The following SERPINB4 variants were observed in gnomAD, a reference collection of about 807,000 sequenced individuals.
The protein encoded by SERPINB4 is serpin B4.
A neutral mutation model predicts 33.2 loss-of-function variants in SERPINB4; 39 were observed. The observed-to-expected ratio is 1.18, with a 90% CI of 0.91 to 1.53. SERPINB4 has a LOEUF of 1.53. Among genes scored for constraint, SERPINB4 ranks in the 40% most tolerant of loss-of-function variants. The pLI, the probability that SERPINB4 is intolerant of heterozygous loss-of-function variation, is 0.00. For missense variants in SERPINB4, 564 were observed against 455.4 expected (o/e 1.24, Z -2.17); for synonymous variants, 191 against 166.4 (o/e 1.15, Z -1.14).
chr18:63,643,921 T>C (rs889011940), intron 1 of SERPINB4, among the ~76,000 whole-genome samples: 1 of 152,024 alleles, frequency 6.6e-6, no homozygotes, highest in African/African-American at 2.4e-5. Flanking sequence ...GAGACCTCTG[T>C]GGATCACATC....
Position 63,643,396 on chromosome 18 carries a change from A to G in SERPINB4, c.165+17T>C, listed in dbSNP as rs1230474320. The G allele has an allele frequency of 6.2e-7, 1 of 1,613,540 alleles. No homozygotes were observed. The highest frequency in any genetic ancestry group is 2.2e-5 in the East Asian group (1 of 44,872). On this transcript the variant is annotated intron_variant, in intron 2 of 7. Coordinates refer to ENST00000341074, the MANE Select transcript of SERPINB4 (RefSeq NM_002974.4). ...AGAAAAACTGCAACAGGACAACGTA[A>G]TGATGCTGATAGCTACCTTGCTAAT...
At position 63,639,307 on chromosome 18, in the gene SERPINB4, A is replaced by G. The variant is rs1568162989; in HGVS notation, c.646T>C (p.Tyr216His). 1 of 1,612,414 alleles carries G rather than the reference A, an allele frequency of 6.2e-7. No homozygotes were observed. Among genetic ancestry groups the G allele is most frequent in the East Asian group, 2.2e-5 (1 of 44,838 alleles). ...AGCAAGGCAAAATTAAAGGAATTGTATTGCCTCATCATCTGTACAGATTTG... is the reference window on the plus strand; with the variant it reads ...AGCAAGGCAAAATTAAAGGAATTGTGTTGCCTCATCATCTGTACAGATTTG... ...TYKSVQMMRQ[Y>H]NSFNFALLED... The change falls in exon 7 of 8, where the codon TAC (tyrosine) becomes CAC (histidine). Residue 216 changes from tyrosine (Y) to histidine (H), a missense_variant. Tyr to His is a moderately conservative substitution (Grantham distance 83). Coordinates refer to ENST00000341074, the MANE Select transcript of SERPINB4 (RefSeq NM_002974.4).
intron 3 of SERPINB4, 86 bp downstream of exon 3, chr18:63,643,075 C>T: frequency 6.4e-7 from 1 of 1,559,962 alleles, no homozygotes; most frequent in Non-Finnish European, 8.8e-7. Context: ...CTAAAACTGG[C>T]CTTTTCTTAG....
chr18:63,638,042 A>G lies in SERPINB4; in HGVS notation c.850T>C (p.Leu284=). ...CTCTCTTCCATTTTGAACCGAGGTA[A>G]GTGTAAATCGACACATGTCTCTCTC... The part of the protein sequence containing the change: ...NMRETCVDLH[L]PRFKMEESYD... Residue 284 remains leucine, a synonymous_variant, in exon 8 of 8, where the codon TTA becomes CTA. Coordinates refer to ENST00000341074, the MANE Select transcript of SERPINB4 (RefSeq NM_002974.4). The G allele has an allele frequency of 3.1e-6, 5 of 1,613,590 alleles. No homozygotes were observed. Among genetic ancestry groups the G allele is most frequent in the Non-Finnish European group, 4.2e-6 (5 of 1,179,738 alleles).
chr18:63,639,621 A>G lies in SERPINB4; in HGVS notation c.612+13T>C. On this transcript the variant is annotated intron_variant, in intron 6 of 7. Transcript: ENST00000341074. ...TAACATATTACACTATATAAATAAA[A>G]TATAGACAATACCTTGTTTGGCCAA... 1 of 1,492,632 alleles carries G rather than the reference A, an allele frequency of 6.7e-7. No individual in the cohort carries two copies. The highest frequency in any genetic ancestry group is 1.1e-5 in the South Asian group (1 of 87,540). The allele number at this position is 1,492,632 out of a possible 1,614,324, so 92.5% of individuals were successfully genotyped here. A position where few individuals can be genotyped will look rare whatever the true frequency, so the allele number is the denominator to read the frequency against.
intron 3 of SERPINB4, 198 bp downstream of exon 3, chr18:63,642,963 T>C (rs1913185467): frequency 1.5e-6 from 1 of 645,820 alleles, no homozygotes; most frequent in Non-Finnish European, 2.7e-6. Context: ...TGAGGTACAG[T>C]GCTGACTGTC....
intron 4 of SERPINB4, among the ~76,000 whole-genome samples, chr18:63,641,436 C>T (rs1913127065): frequency 6.6e-6 from 1 of 152,120 alleles, no homozygotes; most frequent in African/African-American, 2.4e-5. Context: ...ATTAGTCATA[C>T]ATTTCCCACC....
intron 5 of SERPINB4, 21 bp from the exon 6 acceptor site, chr18:63,639,797 G>T (rs1308051711): frequency 6.2e-7 from 1 of 1,600,714 alleles, no homozygotes; most frequent in Non-Finnish European, 8.5e-7. Context: ...AAGAATAAAA[G>T]AGTCTTTTAC....
intron 4 of SERPINB4, among the ~76,000 whole-genome samples, chr18:63,641,296 C>T (rs1371329021): frequency 2.0e-5 from 3 of 152,084 alleles, no homozygotes; most frequent in South Asian, 2.1e-4. Context: ...TCAGACTTCT[C>T]TCCAGTAATT....
In SERPINB4 at chr18:63,637,483, A is replaced by G. The variant is rs754839899; in HGVS notation, c.*236T>C. 5 of 434,118 alleles carry G rather than the reference A, an allele frequency of 1.2e-5. No individual in the cohort carries two copies. Among genetic ancestry groups the G allele is most frequent in the Non-Finnish European group, 2.0e-5 (5 of 247,500 alleles). 26.9% of individuals were successfully genotyped at this position (434,118 alleles called of 1,614,324 possible). On this transcript the variant is annotated 3_prime_UTR_variant, in exon 8 of 8. Coordinates refer to ENST00000341074, the MANE Select transcript of SERPINB4 (RefSeq NM_002974.4). ...TATTAAATGATTCATCTTATCTTGG[A>G]CATTTTTCCTCAAGGGAAATTTTTC...
rs1172681454 is a variant in SERPINB4, at chr18:63,642,856, C to G, written c.222+305G>C. The G allele has an allele frequency of 1.6e-5, 5 of 311,666 alleles. No homozygotes were observed. In the South Asian group the frequency reaches 2.7e-4, roughly 17 times the overall value. The allele number at this position is 311,666 out of a possible 1,614,324, so 19.3% of individuals were successfully genotyped here. On this transcript the variant is annotated intron_variant, in intron 3 of 7. Coordinates refer to ENST00000341074, the MANE Select transcript of SERPINB4 (RefSeq NM_002974.4). Reference sequence around the variant, plus strand: ...CCCTTAGTTTTCTGGGATGAGGTCACTGGGACTCCGAGCAGTTGTGTCCTG... The same window carrying G: ...CCCTTAGTTTTCTGGGATGAGGTCAGTGGGACTCCGAGCAGTTGTGTCCTG...
Position 63,641,983 on chromosome 18 carries a change from A to T in SERPINB4, c.223-95T>A, listed in dbSNP as rs552122990. 940 of 1,549,482 alleles carry T rather than the reference A, an allele frequency of 6.1e-4. 2 individuals are homozygous for T. The highest frequency in any genetic ancestry group is 1.8e-3 in the South Asian group (150 of 85,290). On this transcript the variant is annotated intron_variant, in intron 3 of 7. Coordinates refer to ENST00000341074, the MANE Select transcript of SERPINB4 (RefSeq NM_002974.4). ...GTTAGATCAGTCCCTAAATGCTGGT[A>T]GTCTCATTGAGGACCTTTGATGTTA... is the stretch of plus-strand genomic sequence containing the variant.
Position 63,637,788 on chromosome 18 carries a change from AG to A in SERPINB4, c.1103del (p.Pro368LeufsTer6). ...TATTTTGCCTTATGAAGAATAGGAA[AG>A]GGTGATTACAACAGAACTCTTCATT... ...STNEEFCCNH[P>X]FLFFIRQNKT... is the part of the protein sequence containing the mutation. On this transcript the variant is annotated frameshift_variant, in exon 8 of 8. Coordinates refer to ENST00000341074, the MANE Select transcript of SERPINB4 (RefSeq NM_002974.4). LOFTEE classifies it high-confidence loss of function. The A allele has an allele frequency of 6.2e-7, 1 of 1,613,490 alleles. No homozygotes were observed. The highest frequency in any genetic ancestry group is 8.5e-7 in the Non-Finnish European group (1 of 1,179,634).
chr18:63,638,151 A>G, intron 7 of SERPINB4, 28 bp from the exon 8 acceptor site: 1 of 1,601,582 alleles, frequency 6.2e-7, no homozygotes, highest in Non-Finnish European at 8.5e-7. Context: ...AGAAACTGAT[A>G]TGACTAACTG....
Position 63,641,877 on chromosome 18 carries a change from T to A in SERPINB4, c.234A>T (p.Ser78=), listed in dbSNP as rs1913145322. 1.9e-5 allele frequency: 30 copies of A among 1,613,262 alleles called. No individual in the cohort carries two copies. Among genetic ancestry groups the A allele is most frequent in the Non-Finnish European group, 2.5e-5 (29 of 1,179,434 alleles). ...TTTGAAACTGGTGATGAACATTTCC[T>A]GACCTATCAACCTTCAAACATCAAA... ...EKAATYHVDR[S]GNVHHQFQKL... is the part of the protein sequence containing the mutation. The change falls in exon 4 of 8, where the codon TCA becomes TCT. Residue 78 remains serine, a synonymous_variant. Transcript: ENST00000341074.
rs145896137 is a variant in SERPINB4 at position 63,643,683 on chromosome 18, G to T, written c.-26-80C>A. On this transcript the variant is annotated intron_variant, in intron 1 of 7. Coordinates refer to ENST00000341074, the MANE Select transcript of SERPINB4 (RefSeq NM_002974.4). ...TGTAGTACAATTTTCTTAAAGAAAT[G>T]ATATATCTGGGTTGTGAGATTTTGA... The T allele has an allele frequency of 4.7e-4, 684 of 1,458,210 alleles. 3 individuals are homozygous for T. Among genetic ancestry groups the T allele is most frequent in the East Asian group, 2.5e-3 (111 of 43,784 alleles). The allele number at this position is 1,458,210 out of a possible 1,614,324, so 90.3% of individuals were successfully genotyped here. A position where few individuals can be genotyped will look rare whatever the true frequency, so the allele number is the denominator to read the frequency against.
At chr18:63,643,759 C>T (rs1913221827) in intron 1 of SERPINB4, among the ~76,000 whole-genome samples, 156 bp from the exon 2 acceptor site, 1 of 152,072 alleles carries the variant, frequency 6.6e-6, no homozygotes, top group African/African-American at 2.4e-5. Flanking sequence ...CTACAATGTG[C>T]ATATATTAAA....
chr18:63,641,773 T>G lies in SERPINB4; in HGVS notation c.338A>C (p.Tyr113Ser). The G allele has an allele frequency of 6.2e-7, 1 of 1,613,376 alleles. No individual in the cohort carries two copies. Among genetic ancestry groups the G allele is most frequent in the Non-Finnish European group, 8.5e-7 (1 of 1,179,468 alleles). Reference sequence around the variant, plus strand: ...AGGTGAAATTACCTGTAAAAATTGATACGTCTTTTCTCCGAAGAGCTTGTT... The same window carrying G: ...AGGTGAAATTACCTGTAAAAATTGAGACGTCTTTTCTCCGAAGAGCTTGTT... Reference protein sequence around the residue: ...IANKLFGEKTYQFLQEYLDAI... With the variant: ...IANKLFGEKTSQFLQEYLDAI... Residue 113 changes from tyrosine to serine, a missense_variant, in exon 4 of 8, where the codon TAT becomes TCT. By Grantham distance (144) the Tyr-to-Ser change is moderately radical (BLOSUM62 -2). Coordinates refer to ENST00000341074, the MANE Select transcript of SERPINB4 (RefSeq NM_002974.4).
At chr18:63,638,522 T>C (rs1442599836) in intron 7 of SERPINB4, among the ~76,000 whole-genome samples, 1 of 152,026 alleles carries the variant, frequency 6.6e-6, no homozygotes, top group Non-Finnish European at 1.5e-5. Flanking sequence ...TTTTTCTGTA[T>C]ACATTATTTA....
Sources: gnomAD v4.1 joint callset for allele counts (sites outside exome capture counted in the v4.1 genomes callset) on GRCh38, gnomAD v4.1.1 for gene constraint, MANE v1.5 for transcripts, NCBI Gene and HGNC (gene_info 2026-07-23, HGNC 2026-07-21) for gene names.